PICALM: variants seen among roughly 807,000 people sequenced by gnomAD.
PICALM encodes the protein phosphatidylinositol binding clathrin assembly protein, also known as phosphatidylinositol-binding clathrin assembly protein.
A neutral mutation model predicts 80.5 loss-of-function variants in PICALM; 40 were observed. That is an observed-to-expected ratio of 0.50 (90% CI 0.39 to 0.65). The LOEUF (loss-of-function observed/expected upper bound fraction) is 0.65. Among genes scored for constraint, PICALM ranks in the 30% least tolerant of loss-of-function variants. The probability of loss-of-function intolerance (pLI) is 0.00; values close to 1 mark genes in which losing one functional copy is unlikely to be tolerated. For missense variants in PICALM, 676 were observed against 778.9 expected (o/e 0.87, Z 1.57); for synonymous variants, 288 against 260.3 (o/e 1.11, Z -1.02).
At chr11:86,051,629 C>A (rs116658070) in intron 1 of PICALM, among the ~76,000 whole-genome samples, 1 of 151,476 alleles carries the variant, frequency 6.6e-6, no homozygotes, top group Non-Finnish European at 1.5e-5. Flanking sequence ...ACACTGCACT[C>A]CAGCCTGCGT....
chr11:86,065,882 G>A (rs2096441012), intron 1 of PICALM, among the ~76,000 whole-genome samples: 1 of 152,098 alleles, frequency 6.6e-6, no homozygotes, highest in Non-Finnish European at 1.5e-5. Context: ...AGATCTTGGC[G>A]AGAAACTGAC....
chr11:86,067,503 A>G (rs1041835991), intron 1 of PICALM, among the ~76,000 whole-genome samples: 1 of 152,212 alleles, frequency 6.6e-6, no homozygotes, highest in Admixed American at 6.5e-5. Flanking sequence ...GTTAGAAAAA[A>G]GTTACGAGGA....
rs1426287328 is a variant in PICALM at position 85,957,504 on chromosome 11, G to C, written c.*1542C>G. Among the ~76,000 whole-genome samples the C allele has an allele frequency of 1.3e-5, 2 of 152,046 alleles. No individual in the cohort carries two copies. The highest frequency in any genetic ancestry group is 2.9e-5 in the Non-Finnish European group (2 of 67,992). On this transcript the variant is annotated 3_prime_UTR_variant, in exon 20 of 20. Transcript: ENST00000393346. ...GCATTTATCAATAAGAGTCTACAAG[G>C]TAACAAAAAGTGTAAAGAGACATCT...
intron 13 of PICALM, among the ~76,000 whole-genome samples, chr11:85,989,620 A>G (rs1296810180): frequency 6.6e-6 from 1 of 152,136 alleles, no homozygotes; most frequent in Non-Finnish European, 1.5e-5. Context: ...CCTCAGTGTG[A>G]AATTCTGCCT....
At chr11:85,985,270 G>T (rs1202605407) in intron 13 of PICALM, among the ~76,000 whole-genome samples, 1 of 152,112 alleles carries the variant, frequency 6.6e-6, no homozygotes, top group Non-Finnish European at 1.5e-5. Flanking sequence ...TAAAAAGTAG[G>T]ACAAGATTTG....
chr11:85,992,904 C>T (rs1034654506), intron 12 of PICALM, among the ~76,000 whole-genome samples: 1 of 152,094 alleles, frequency 6.6e-6, no homozygotes, highest in Non-Finnish European at 1.5e-5. Flanking sequence ...ATAATTAGAT[C>T]AATCAGATAA....
intron 1 of PICALM, among the ~76,000 whole-genome samples, chr11:86,049,613 C>T (rs1565555713): frequency 6.6e-6 from 1 of 151,314 alleles, no homozygotes; most frequent in Admixed American, 6.6e-5. Context: ...AGTGCAGTGG[C>T]GCAATCTCGG....
chr11:86,047,387 G>A (rs1249539087), intron 1 of PICALM, among the ~76,000 whole-genome samples: 2 of 152,336 alleles, frequency 1.3e-5, no homozygotes, highest in South Asian at 4.1e-4. Flanking sequence ...TGAGGAAAGC[G>A]ACACATTATT....
In PICALM at chr11:86,068,790, T is replaced by A. The variant is rs2096484152; in HGVS notation, c.-10A>T. 6.3e-7 allele frequency: 1 copy of A among 1,599,814 alleles called. No homozygotes were observed. Among genetic ancestry groups the A allele is most frequent in the Admixed American group, 1.7e-5 (1 of 58,912 alleles). On this transcript the variant is annotated 5_prime_UTR_variant, in exon 1 of 20. Transcript: ENST00000393346. ...GGCTCTGGCCGGACATCTCTGCAGC[T>A]CCTCCACCACCCCACCCGCTCAGCA...
intron 1 of PICALM, among the ~76,000 whole-genome samples, chr11:86,046,442 G>C (rs1248106031): frequency 6.6e-6 from 1 of 152,054 alleles, no homozygotes; most frequent in East Asian, 1.9e-4. Context: ...GATATATTTA[G>C]GGTATTTTAA....
At chr11:85,969,922 A>AC (rs1159899237) in intron 19 of PICALM, among the ~76,000 whole-genome samples, 1 of 152,246 alleles carries the variant, frequency 6.6e-6, no homozygotes, top group African/African-American at 2.4e-5. Context: ...CACCATAACT[A>AC]TTAGCCAACA....
At chr11:86,000,965 T>C (rs1186089636) in intron 10 of PICALM, 70 bp downstream of exon 10, 1 of 1,576,154 alleles carries the variant, frequency 6.3e-7, no homozygotes, top group Non-Finnish European at 8.7e-7. Context: ...TCTAAGTCTG[T>C]GCAGAGGCCC....
At chr11:85,964,793 T>C (rs144543244) in intron 19 of PICALM, among the ~76,000 whole-genome samples, 166 of 152,332 alleles carry the variant, frequency 1.1e-3, no homozygotes, top group African/African-American at 3.8e-3. Context: ...TATCTGTCCT[T>C]TGTTCAGCAA....
At chr11:86,064,651 TAAA>T (rs11403335) in intron 1 of PICALM, among the ~76,000 whole-genome samples, 6 of 127,120 alleles carry the variant, frequency 4.7e-5, no homozygotes, top group East Asian at 2.3e-4. Flanking sequence ...CACCTCATTT[TAAA>T]AAAAAAAAAA....
In PICALM at chr11:86,031,495, G is replaced by C; in HGVS notation, c.247C>G (p.His83Asp). 1 of 1,612,290 alleles carries C rather than the reference G, an allele frequency of 6.2e-7. No homozygotes were observed. The highest frequency in any genetic ancestry group is 8.5e-7 in the Non-Finnish European group (1 of 1,179,256). ...TCATTTCCATACACCATCAAATGAT[G>C]AGTTGTAATGAGAGATTTGAAGACC... ...VVVFKSLITTHHLMVYGNERF... is the reference protein window; with the variant it reads ...VVVFKSLITTDHLMVYGNERF... Residue 83 changes from histidine (H) to aspartate (D), a missense_variant, in exon 2 of 20, where the codon CAT becomes GAT. This residue lies in a region of PICALM where 285 missense variants were observed against 395.4 expected (regional missense o/e 0.72). Transcript: ENST00000393346.
intron 1 of PICALM, among the ~76,000 whole-genome samples, chr11:86,056,277 G>C (rs944977467): frequency 3.4e-5 from 5 of 148,612 alleles, no homozygotes; most frequent in African/African-American, 1.2e-4. Flanking sequence ...TAAAGATCTA[G>C]TATGTGAGGT....
At chr11:85,963,332 T>C (rs985893377) in intron 19 of PICALM, among the ~76,000 whole-genome samples, 1 of 151,962 alleles carries the variant, frequency 6.6e-6, no homozygotes, top group East Asian at 1.9e-4. Context: ...AGCCCTACTA[T>C]TACATCACCA....
intron 1 of PICALM, among the ~76,000 whole-genome samples, chr11:86,044,722 A>T (rs1010247761): frequency 1.3e-5 from 2 of 152,208 alleles, no homozygotes; most frequent in Non-Finnish European, 2.9e-5. Context: ...GCTAGGAAGC[A>T]TTACTGCCTG....
intron 19 of PICALM, among the ~76,000 whole-genome samples, chr11:85,972,240 TG>T (rs1271886055): frequency 6.6e-6 from 1 of 152,258 alleles, no homozygotes; most frequent in Non-Finnish European, 1.5e-5. Context: ...ATCCTGAATG[TG>T]TAAATGTGGT....
Sources: allele counts gnomAD v4.1 joint callset (sites outside exome capture counted in the v4.1 genomes callset), GRCh38; gene constraint gnomAD v4.1.1; regional missense constraint gnomAD v4.1.1; transcripts MANE v1.5; gene names NCBI Gene and HGNC (gene_info 2026-07-23, HGNC 2026-07-21).